BARX2: variants seen among roughly 807,000 people sequenced by gnomAD.
BARX2 encodes the protein BARX homeobox 2.
Under a neutral mutation model 25.5 loss-of-function variants are expected in BARX2, and 11 were observed. The observed-to-expected ratio is 0.43, with a 90% CI of 0.27 to 0.71. The LOEUF is 0.71. Ranked by LOEUF, BARX2 falls within the 30% of genes least tolerant of loss-of-function variation. BARX2 has a pLI of 0.19. For missense variants in BARX2, 360 were observed against 359.9 expected, an observed-to-expected ratio of 1.00 and a Z score of 0.00; for synonymous variants, 137 against 149.5, an observed-to-expected ratio of 0.92 and a Z score of 0.61.
chr11:129,375,580 C>T (rs988358220), upstream of BARX2, among the ~76,000 whole-genome samples: 1 of 151,914 alleles, frequency 6.6e-6, no homozygotes, highest in Non-Finnish European at 1.5e-5. This position sits in a 1 kb window ranked among gnomAD's most constrained non-coding sequence, Gnocchi z 4.0. Flanking sequence ...ACACCTGGAG[C>T]GCGTCCCGGG....
intron 1 of BARX2, among the ~76,000 whole-genome samples, chr11:129,420,444 G>A (rs940846262): frequency 5.9e-5 from 9 of 152,164 alleles, no homozygotes; most frequent in African/African-American, 1.9e-4. Flanking sequence ...TTTCTAGTTC[G>A]GACCTCAGCT....
intron 1 of BARX2, among the ~76,000 whole-genome samples, chr11:129,420,550 G>T (rs1377844501): frequency 6.6e-6 from 1 of 152,188 alleles, no homozygotes; most frequent in Admixed American, 6.5e-5. Context: ...TGTGTTATTA[G>T]CTATAAATCA....
intron 1 of BARX2, among the ~76,000 whole-genome samples, chr11:129,419,706 G>A (rs903456115): frequency 2.0e-5 from 3 of 152,012 alleles, no homozygotes; most frequent in African/African-American, 7.2e-5. Context: ...AGGTCTTGTG[G>A]AGCCTCTCTG....
chr11:129,439,922 T>C (rs530014414), intron 2 of BARX2, among the ~76,000 whole-genome samples: 2 of 151,960 alleles, frequency 1.3e-5, no homozygotes, highest in East Asian at 3.9e-4. Flanking sequence ...ATTTTTTTTT[T>C]CAGAAATATT....
chr11:129,424,770 C>G (rs1448649706), intron 1 of BARX2, among the ~76,000 whole-genome samples: 2 of 152,282 alleles, frequency 1.3e-5, no homozygotes, highest in East Asian at 3.9e-4. Context: ...CCAGAGGATT[C>G]CTCCCAGGAA....
chr11:129,415,169 A>G (rs1050106078), intron 1 of BARX2, among the ~76,000 whole-genome samples: 7 of 152,192 alleles, frequency 4.6e-5, no homozygotes, highest in Non-Finnish European at 1.0e-4. Context: ...TTCACTCCCT[A>G]TGATAGGTCC....
chr11:129,434,292 C>T (rs1043131710), intron 1 of BARX2, among the ~76,000 whole-genome samples: 7 of 148,728 alleles, frequency 4.7e-5, no homozygotes, highest in South Asian at 2.1e-4. Context: ...TGACTGGGCA[C>T]GATGGCTCAC....
intron 1 of BARX2, among the ~76,000 whole-genome samples, chr11:129,418,891 T>C (rs1173153459): frequency 6.6e-6 from 1 of 152,212 alleles, no homozygotes; most frequent in African/African-American, 2.4e-5. Flanking sequence ...AACAACATCG[T>C]TTCATTCAAT....
At chr11:129,424,058 G>A (rs1178940019) in intron 1 of BARX2, among the ~76,000 whole-genome samples, 1 of 152,102 alleles carries the variant, frequency 6.6e-6, no homozygotes, top group Non-Finnish European at 1.5e-5. Context: ...CTATATTGGT[G>A]AGGCTGGCCT....
intron 1 of BARX2, among the ~76,000 whole-genome samples, chr11:129,411,849 T>C (rs1031620083): frequency 3.9e-5 from 6 of 152,222 alleles, no homozygotes; most frequent in African/African-American, 1.2e-4. Flanking sequence ...TCGAGACTCA[T>C]AGGAATGGCG....
intron 1 of BARX2, among the ~76,000 whole-genome samples, chr11:129,415,078 A>C (rs1329289531): frequency 1.3e-5 from 2 of 150,558 alleles, no homozygotes; most frequent in South Asian, 4.3e-4. Context: ...TTTTAATATA[A>C]AAATTGGAAT....
chr11:129,413,670 G>C (rs1274754412), intron 1 of BARX2, among the ~76,000 whole-genome samples: 5 of 152,046 alleles, frequency 3.3e-5, no homozygotes, highest in African/African-American at 1.2e-4. Context: ...TGAAGCTTAG[G>C]GGCCTGAGAG....
intron 1 of BARX2, among the ~76,000 whole-genome samples, chr11:129,433,663 G>A (rs76127956): frequency 0.063 from 9,563 of 151,964 alleles, 371 homozygotes; most frequent in Middle Eastern, 0.13. Context: ...TGCTTGTCCC[G>A]TACCTTCTCC....
At chr11:129,398,015 G>A (rs888044240) in intron 1 of BARX2, among the ~76,000 whole-genome samples, 4 of 152,220 alleles carry the variant, frequency 2.6e-5, no homozygotes, top group Non-Finnish European at 5.9e-5. Flanking sequence ...TAGTGCTGTG[G>A]ATGTCACTGT....
intron 2 of BARX2, chr11:129,437,303 T>C (rs972397309): frequency 1.8e-6 from 1 of 566,064 alleles, no homozygotes; most frequent in Non-Finnish European, 2.6e-6. Context: ...AACTTAACTA[T>C]TTCAGTATCA....
intron 1 of BARX2, among the ~76,000 whole-genome samples, chr11:129,434,645 G>C (rs970046114): frequency 3.9e-5 from 6 of 152,050 alleles, no homozygotes; most frequent in Non-Finnish European, 5.9e-5. Flanking sequence ...TTAATATATA[G>C]GTTATTTCCC....
intron 1 of BARX2, among the ~76,000 whole-genome samples, chr11:129,392,642 C>T (rs1174146526): frequency 2.0e-5 from 3 of 152,096 alleles, no homozygotes; most frequent in East Asian, 1.9e-4. Flanking sequence ...GACAGAGTCT[C>T]GCTCTGTTGC....
At chr11:129,443,526 C>A (rs1207044198) in intron 3 of BARX2, among the ~76,000 whole-genome samples, 1 of 152,168 alleles carries the variant, frequency 6.6e-6, no homozygotes, top group East Asian at 1.9e-4. Flanking sequence ...GGCCCCCTCC[C>A]AGGATTCTGG....
intron 1 of BARX2, among the ~76,000 whole-genome samples, chr11:129,421,276 T>G (rs116292024): frequency 0.018 from 2,704 of 152,264 alleles, 63 homozygotes; most frequent in African/African-American, 0.059. Flanking sequence ...ATGTAAAAAT[T>G]TTCCCTCAAC....
Sources: gnomAD v4.1 joint callset for allele counts (sites outside exome capture counted in the v4.1 genomes callset) on GRCh38, gnomAD v4.1.1 for gene constraint, Gnocchi (gnomAD v3.1) non-coding constraint, MANE v1.5 for transcripts, NCBI Gene and HGNC (gene_info 2026-07-23, HGNC 2026-07-21) for gene names.